The following MAP3K7CL variants were observed in gnomAD, a reference collection of about 807,000 sequenced individuals.
The protein encoded by MAP3K7CL is MAP3K7 C-terminal-like protein.
In MAP3K7CL, 16 loss-of-function variants were observed where a neutral mutation model predicts 18.6. The ratio of observed to expected loss-of-function variants is 0.86; its 90% CI spans 0.58 to 1.31. The LOEUF (loss-of-function observed/expected upper bound fraction) is 1.31. Ranked by LOEUF, MAP3K7CL falls within the 50% of genes most tolerant of loss-of-function variation. MAP3K7CL has a pLI of 0.00. For missense variants in MAP3K7CL, 163 were observed against 174.4 expected, an observed-to-expected ratio of 0.93 and a Z score of 0.37; for synonymous variants, 65 against 66.8, an observed-to-expected ratio of 0.97 and a Z score of 0.13.
At chr21:29,144,025 G>T (rs2087068982) in intron 2 of MAP3K7CL, among the ~76,000 whole-genome samples, 1 of 152,084 alleles carries the variant, frequency 6.6e-6, no homozygotes, top group Non-Finnish European at 1.5e-5. Flanking sequence ...TATGATTTTG[G>T]TGTTGAAATG....
intron 4 of MAP3K7CL, among the ~76,000 whole-genome samples, chr21:29,103,199 G>C (rs2086263025): frequency 1.3e-5 from 2 of 152,164 alleles, no homozygotes; most frequent in African/African-American, 4.8e-5. Flanking sequence ...TAGTGTCTAT[G>C]GCTACTTTCC....
chr21:29,108,077 C>G (rs2086355243), intron 4 of MAP3K7CL, among the ~76,000 whole-genome samples: 1 of 152,160 alleles, frequency 6.6e-6, no homozygotes, highest in Non-Finnish European at 1.5e-5. Context: ...GAAGAGTATA[C>G]ATATTGTTAT....
At chr21:29,110,730 GTTCCTAAAC>G (rs1339309000) in intron 4 of MAP3K7CL, among the ~76,000 whole-genome samples, 1 of 152,048 alleles carries the variant, frequency 6.6e-6, no homozygotes, top group Non-Finnish European at 1.5e-5. Context: ...TTTGCTGGTA[GTTCCTAAAC>G]TTCATGTCCC....
In MAP3K7CL at chr21:29,175,687, A is replaced by T. The variant is rs989465293; in HGVS notation, c.*795A>T. 2.6e-5 allele frequency: 4 copies of T among 152,230 alleles called. No homozygotes were observed. Among genetic ancestry groups the T allele is most frequent in the Non-Finnish European group, 4.4e-5 (3 of 68,044 alleles). The allele number at this position is 152,230 out of a possible 1,614,324, so 9.4% of individuals were successfully genotyped here. The stretch of plus-strand genomic sequence containing the variant: ...GTGAGTGCCCATGAAAACATCAGTG[A>T]ACTTGTAACTATTGTTTTGTTTTGG... On this transcript the variant is annotated 3_prime_UTR_variant, in exon 5 of 5. Coordinates refer to ENST00000399928, the MANE Select transcript of MAP3K7CL (RefSeq NM_001286620.2).
At chr21:29,112,530 A>ATATT (rs1371798448) in intron 4 of MAP3K7CL, among the ~76,000 whole-genome samples, 1 of 151,826 alleles carries the variant, frequency 6.6e-6, no homozygotes, top group Non-Finnish European at 1.5e-5. Context: ...ATCTGACTTT[A>ATATT]TATTTATTTA....
chr21:29,156,985 T>C lies in MAP3K7CL; in HGVS notation c.133-2956T>C, dbSNP rs73897265. Among the ~76,000 whole-genome samples the C allele has an allele frequency of 8.1e-3, 1,230 of 152,190 alleles. 20 individuals are homozygous for C. Among genetic ancestry groups the C allele is most frequent in the African/African-American group, 0.028 (1,177 of 41,514 alleles). ...AATTTGAAGTTCTCTGGGGAGAAATTTGGGAAAGAGCAAAAGATTGAGTAC... is the reference window on the plus strand; with the variant it reads ...AATTTGAAGTTCTCTGGGGAGAAATCTGGGAAAGAGCAAAAGATTGAGTAC... On this transcript the variant is annotated intron_variant, in intron 3 of 4. Coordinates refer to ENST00000399928, the MANE Select transcript of MAP3K7CL (RefSeq NM_001286620.2).
intron 1 of MAP3K7CL, among the ~76,000 whole-genome samples, chr21:29,079,115 G>A (rs1301146798): frequency 6.6e-6 from 1 of 152,224 alleles, no homozygotes; most frequent in African/African-American, 2.4e-5. Context: ...AAGAGAGGGT[G>A]AAGCAGGAAG....
At chr21:29,172,759 C>T (rs2087872279) in intron 4 of MAP3K7CL, among the ~76,000 whole-genome samples, 1 of 151,700 alleles carries the variant, frequency 6.6e-6, no homozygotes, top group Admixed American at 6.6e-5. Flanking sequence ...GTTTGGAGAC[C>T]TAATTGAATG....
At chr21:29,085,963 T>G in intron 1 of MAP3K7CL, 31 of 1,574,058 alleles carry the variant, frequency 2.0e-5, no homozygotes, top group Non-Finnish European at 2.6e-5. Context: ...CTGTCGACTA[T>G]AATCCTGTTT....
intron 4 of MAP3K7CL, among the ~76,000 whole-genome samples, chr21:29,163,484 G>T (rs1466985497): frequency 6.6e-6 from 1 of 152,146 alleles, no homozygotes. Flanking sequence ...CCTGCCTAGG[G>T]TTTCTTGTTG....
intron 1 of MAP3K7CL, among the ~76,000 whole-genome samples, chr21:29,078,297 TTTG>T (rs775483584): frequency 5.3e-5 from 8 of 152,324 alleles, no homozygotes; most frequent in Middle Eastern, 3.4e-3. Context: ...TCAGGATATT[TTTG>T]TTGTTGTTAA....
rs1381171481 is a variant in MAP3K7CL at position 29,175,866 on chromosome 21, A to T, written c.*974A>T. 1.3e-5 allele frequency: 2 copies of T among 151,836 alleles called. No homozygotes were observed. Among genetic ancestry groups the T allele is most frequent in the Non-Finnish European group, 1.5e-5 (1 of 67,944 alleles). 9.4% of individuals were successfully genotyped at this position (151,836 alleles called of 1,614,324 possible). A position where few individuals can be genotyped will look rare whatever the true frequency, so the allele number is the denominator to read the frequency against. ...TTTCTATTCATGTAACTTCTTTTTC[A>T]TTAAACATGGATCAAAACTGACAGT... On this transcript the variant is annotated 3_prime_UTR_variant, in exon 5 of 5. Transcript: ENST00000399928.
chr21:29,126,461 G>T (rs1222130853), upstream of MAP3K7CL, among the ~76,000 whole-genome samples: 3 of 151,950 alleles, frequency 2.0e-5, no homozygotes, highest in Non-Finnish European at 2.9e-5. Flanking sequence ...TTTTTTGTTT[G>T]TTTGTTTGTT....
chr21:29,152,239 G>A (rs1203881376), intron 3 of MAP3K7CL, among the ~76,000 whole-genome samples: 1 of 152,204 alleles, frequency 6.6e-6, no homozygotes, highest in Non-Finnish European at 1.5e-5. Context: ...TGATGGTTGG[G>A]AGGAGAAATC....
intron 4 of MAP3K7CL, among the ~76,000 whole-genome samples, chr21:29,093,252 G>T (rs1293706176): frequency 6.6e-6 from 1 of 152,166 alleles, no homozygotes; most frequent in Non-Finnish European, 1.5e-5. Context: ...ATAATAACTT[G>T]TGTAAATATC....
At chr21:29,078,571 C>G (rs752439033) in intron 1 of MAP3K7CL, among the ~76,000 whole-genome samples, 7 of 152,090 alleles carry the variant, frequency 4.6e-5, no homozygotes, top group African/African-American at 1.7e-4. Flanking sequence ...TGGGTTAACT[C>G]CATGCAATCA....
At chr21:29,158,917 C>CCT (rs2087471892) in intron 3 of MAP3K7CL, among the ~76,000 whole-genome samples, 1 of 100,436 alleles carries the variant, frequency 1.0e-5, no homozygotes, top group African/African-American at 4.0e-5. Flanking sequence ...AAAAGTAGTA[C>CCT]TTTTTTTTTT....
chr21:29,108,484 C>G (rs1251262690), intron 4 of MAP3K7CL, among the ~76,000 whole-genome samples: 1 of 152,180 alleles, frequency 6.6e-6, no homozygotes, highest in African/African-American at 2.4e-5. Flanking sequence ...CACCTACTGC[C>G]AAATTGTCCT....
intron 3 of MAP3K7CL, among the ~76,000 whole-genome samples, chr21:29,153,237 T>C (rs1490305437): frequency 6.6e-6 from 1 of 152,222 alleles, no homozygotes. Context: ...TATCTCTTTA[T>C]AATGTTCATT....
Sources: gnomAD v4.1 joint callset for allele counts (sites outside exome capture counted in the v4.1 genomes callset) on GRCh38, gnomAD v4.1.1 for gene constraint, MANE v1.5 for transcripts, NCBI Gene and HGNC (gene_info 2026-07-23, HGNC 2026-07-21) for gene names.